The following PHOSPHO1 variants were observed in gnomAD, a reference collection of about 807,000 sequenced individuals.
The protein encoded by PHOSPHO1 is phosphoethanolamine/phosphocholine phosphatase 1, also known as phosphoethanolamine/phosphocholine phosphatase.
In PHOSPHO1, 6 loss-of-function variants were observed where a neutral mutation model predicts 17.7. The observed-to-expected ratio is 0.34, with a 90% CI of 0.19 to 0.67. PHOSPHO1 has a LOEUF of 0.67. Among genes scored for constraint, PHOSPHO1 ranks in the 30% least tolerant of loss-of-function variants. PHOSPHO1 has a pLI of 0.69. For missense variants in PHOSPHO1, 330 were observed against 392.1 expected (o/e 0.84, Z 1.34); for synonymous variants, 159 against 174.6 (o/e 0.91, Z 0.71).
intron 2 of PHOSPHO1, chr17:49,225,241 GGTTTA>G: frequency 7.1e-7 from 1 of 1,415,336 alleles, no homozygotes; most frequent in South Asian, 1.6e-5. Context: ...ACTGCAGTGG[GGTTTA>G]TGCCCAGAGG....
At chr17:49,225,387 T>G (rs1245777421) in intron 2 of PHOSPHO1, 1 of 985,272 alleles carries the variant, frequency 1.0e-6, no homozygotes, top group Non-Finnish European at 1.2e-6. Context: ...TTTTGGAGAC[T>G]TCCAGTGGCC....
At chr17:49,230,211 G>A (rs2043399538) in intron 1 of PHOSPHO1, among the ~76,000 whole-genome samples, 1 of 152,138 alleles carries the variant, frequency 6.6e-6, no homozygotes, top group Admixed American at 6.5e-5. Flanking sequence ...TCCAATGCGG[G>A]CGGGGGGTGC....
chr17:49,228,285 CTTCCTTCCTTCCTCCTTCCT>C (rs770742515), intron 1 of PHOSPHO1, among the ~76,000 whole-genome samples: 30 of 93,406 alleles, frequency 3.2e-4, no homozygotes, highest in East Asian at 6.2e-4. Flanking sequence ...TCCTTCCTTC[CTTCCTTCCTTCCTCCTTCCT>C]TCCTTCCTTC....
In PHOSPHO1 at chr17:49,224,611, T is replaced by C; in HGVS notation, c.439A>G (p.Ser147Gly). 6.3e-7 allele frequency: 1 copy of C among 1,579,404 alleles called. No individual in the cohort carries two copies. Among genetic ancestry groups the C allele is most frequent in the Non-Finnish European group, 8.6e-7 (1 of 1,168,340 alleles). The change falls in exon 3 of 3, where the codon AGC becomes GGC. Residue 147 changes from serine (S) to glycine (G), a missense_variant. Ser to Gly is a moderately conservative substitution (Grantham distance 56). Coordinates refer to ENST00000310544, the MANE Select transcript of PHOSPHO1 (RefSeq NM_178500.4). ...CGCGCATCCGGCCCCGACGGGTTGC[T>C]GAGGATGCGGCGGAACAGGCTGTGG... ...GHHSLFRRIL[S>G]NPSGPDARGL...
rs1173626200 is a variant in PHOSPHO1 at position 49,228,290 on chromosome 17, TTCCTTCC to T, written c.-67-1539_-67-1533del. ...CTTCCTTCCTTCCTTCCTTCCTTCC[TTCCTTCC>T]TCCTTCCTTCCTTCCTTCCTTCCTT... On this transcript the variant is annotated intron_variant, in intron 1 of 2. Coordinates refer to ENST00000310544, the MANE Select transcript of PHOSPHO1 (RefSeq NM_178500.4). Among the ~76,000 whole-genome samples, 399 of 67,020 alleles carry T rather than the reference TTCCTTCC, an allele frequency of 6.0e-3. 1 individual carries two copies. Among genetic ancestry groups the T allele is most frequent in the African/African-American group, 8.0e-3 (145 of 18,064 alleles). 44.0% of individuals were successfully genotyped at this position (67,020 alleles called of 152,430 possible).
chr17:49,227,168 A>G (rs1373774957), intron 1 of PHOSPHO1, among the ~76,000 whole-genome samples: 1 of 152,240 alleles, frequency 6.6e-6, no homozygotes, highest in Non-Finnish European at 1.5e-5. Flanking sequence ...TTAACTAACC[A>G]GCCACGCTGT....
In PHOSPHO1 at chr17:49,224,932, C is replaced by A; in HGVS notation, c.118G>T (p.Glu40Ter). 6.3e-7 allele frequency: 1 copy of A among 1,593,478 alleles called. No homozygotes were observed. Among genetic ancestry groups the A allele is most frequent in the African/African-American group, 1.3e-5 (1 of 74,686 alleles). Residue 40 changes from glutamate (E) to a stop codon, truncating the protein, a stop_gained, in exon 3 of 3, where the codon GAA becomes TAA. Coordinates refer to ENST00000310544, the MANE Select transcript of PHOSPHO1 (RefSeq NM_178500.4). LOFTEE classifies it high-confidence loss of function. Reference sequence around the variant, plus strand: ...CGCACGATCGAATCGTCGCTGTTTTCGTCCACGATAGTCTCGTCGAAGTCG... The same window carrying A: ...CGCACGATCGAATCGTCGCTGTTTTAGTCCACGATAGTCTCGTCGAAGTCG... Reference protein sequence around the residue: ...TFDFDETIVDENSDDSIVRAA... With the variant: ...TFDFDETIVD
chr17:49,224,603 C>T lies in PHOSPHO1; in HGVS notation c.447G>A (p.Pro149=), dbSNP rs747864911. 2 of 1,574,018 alleles carry T rather than the reference C, an allele frequency of 1.3e-6. No individual in the cohort carries two copies. Among genetic ancestry groups the T allele is most frequent in the Non-Finnish European group, 1.7e-6 (2 of 1,165,440 alleles). ...HSLFRRILSN[P]SGPDARGLLA... ...GCAGTCCCCGCGCATCCGGCCCCGA[C>T]GGGTTGCTGAGGATGCGGCGGAACA... Residue 149 remains proline (P), a synonymous_variant, in exon 3 of 3, where the codon CCG becomes CCA. Coordinates refer to ENST00000310544, the MANE Select transcript of PHOSPHO1 (RefSeq NM_178500.4).
In PHOSPHO1 at chr17:49,225,758, C is replaced by T. The variant is rs758177895; in HGVS notation, c.46-754G>A. On this transcript the variant is annotated intron_variant, in intron 2 of 2. Coordinates refer to ENST00000310544, the MANE Select transcript of PHOSPHO1 (RefSeq NM_178500.4). ...GGGGCTTGGGGAGGTAAGAGCCTCC[C>T]GCACCAGGCCATGACACACCTGGGA... The T allele has an allele frequency of 3.1e-6, 4 of 1,276,046 alleles. No individual in the cohort carries two copies. The South Asian group carries it at 3.8e-5, about 12-fold the overall frequency. 79.0% of individuals were successfully genotyped at this position (1,276,046 alleles called of 1,614,324 possible). A position where few individuals can be genotyped will look rare whatever the true frequency, so the allele number is the denominator to read the frequency against.
intron 1 of PHOSPHO1, among the ~76,000 whole-genome samples, chr17:49,227,753 G>A (rs2043371582): frequency 6.6e-6 from 1 of 152,110 alleles, no homozygotes; most frequent in South Asian, 2.1e-4. Flanking sequence ...TCCATCTTGC[G>A]GTACTCCCTC....
At chr17:49,225,083 G>A (rs935700692) in intron 2 of PHOSPHO1, 79 bp from the exon 3 acceptor site, 1 of 1,444,594 alleles carries the variant, frequency 6.9e-7, no homozygotes, top group Non-Finnish European at 9.1e-7. Context: ...GCCCGCCCGG[G>A]AGAGGCTGGT....
Position 49,223,892 on chromosome 17 carries a change from A to C in PHOSPHO1, c.*354T>G. The C allele has an allele frequency of 4.6e-6, 1 of 219,778 alleles. No homozygotes were observed. 13.6% of individuals were successfully genotyped at this position (219,778 alleles called of 1,614,324 possible). A position where few individuals can be genotyped will look rare whatever the true frequency, so the allele number is the denominator to read the frequency against. On this transcript the variant is annotated 3_prime_UTR_variant, in exon 3 of 3. Transcript: ENST00000310544. ...GTCACGCAGCCCGAGGCAACAAGTT[A>C]CAGCGGCGGGAGATGTTCCTTCTCT...
At chr17:49,226,783 AGG>A in intron 1 of PHOSPHO1, 25 bp from the exon 2 acceptor site, 1 of 1,471,494 alleles carries the variant, frequency 6.8e-7, no homozygotes, top group Non-Finnish European at 9.5e-7. Context: ...AGTTCATTTG[AGG>A]GTGCCCAGTC....
Position 49,224,600 on chromosome 17 carries a change from C to G in PHOSPHO1, c.450G>C (p.Ser150=). The change falls in exon 3 of 3, where the codon TCG becomes TCC. Residue 150 remains serine (S), a synonymous_variant. Transcript: ENST00000310544. ...SLFRRILSNP[S]GPDARGLLAL... ...CCAGCAGTCCCCGCGCATCCGGCCC[C>G]GACGGGTTGCTGAGGATGCGGCGGA... 6.4e-7 allele frequency: 1 copy of G among 1,571,340 alleles called. No homozygotes were observed. Among genetic ancestry groups the G allele is most frequent in the South Asian group, 1.2e-5 (1 of 86,842 alleles).
At chr17:49,226,043 G>T (rs1410432124) in intron 2 of PHOSPHO1, among the ~76,000 whole-genome samples, 1 of 151,928 alleles carries the variant, frequency 6.6e-6, no homozygotes, top group Admixed American at 6.6e-5. Flanking sequence ...GGACAAGAGG[G>T]GACATGTCTG....
chr17:49,226,629 C>G lies in PHOSPHO1; in HGVS notation c.45+18G>C. 1 of 1,613,904 alleles carries G rather than the reference C, an allele frequency of 6.2e-7. No individual in the cohort carries two copies. Among genetic ancestry groups the G allele is most frequent in the Non-Finnish European group, 8.5e-7 (1 of 1,179,830 alleles). ...GCTGAGGCCTCATCCTAGGAGACCC[C>G]TGGAGGGACCCACTTACCCTAGATA... On this transcript the variant is annotated intron_variant, in intron 2 of 2. Transcript: ENST00000310544.
At chr17:49,225,389 C>T in intron 2 of PHOSPHO1, 1 of 985,396 alleles carries the variant, frequency 1.0e-6, no homozygotes, top group Non-Finnish European at 1.2e-6. Flanking sequence ...TTGGAGACTT[C>T]CAGTGGCCCC....
chr17:49,228,107 TA>T (rs1446850918), intron 1 of PHOSPHO1, among the ~76,000 whole-genome samples: 1 of 152,122 alleles, frequency 6.6e-6, no homozygotes, highest in Admixed American at 6.6e-5. Context: ...ACTCCCCTTG[TA>T]AAAGCAAACA....
chr17:49,224,576 C>G lies in PHOSPHO1; in HGVS notation c.474G>C (p.Leu158=), dbSNP rs751084612. The G allele has an allele frequency of 6.4e-7, 1 of 1,563,466 alleles. No individual in the cohort carries two copies. The highest frequency in any genetic ancestry group is 8.6e-7 in the Non-Finnish European group (1 of 1,160,062). The change falls in exon 3 of 3, where the codon CTG becomes CTC. Residue 158 remains leucine (L), a synonymous_variant. Transcript: ENST00000310544. ...TGTGTGTGTGGAACGGCCGCAGAGC[C>G]AGCAGTCCCCGCGCATCCGGCCCCG... ...NPSGPDARGL[L]ALRPFHTHSC... is the part of the protein sequence containing the mutation.
Sources: allele counts gnomAD v4.1 joint callset (sites outside exome capture counted in the v4.1 genomes callset), GRCh38; gene constraint gnomAD v4.1.1; transcripts MANE v1.5; gene names NCBI Gene and HGNC (gene_info 2026-07-23, HGNC 2026-07-21).